Variants in MYO16 observed in about 807,000 individuals in gnomAD.
The protein encoded by MYO16 is unconventional myosin-XVI.
A neutral mutation model predicts 205.3 loss-of-function variants in MYO16; 94 were observed. That is an observed-to-expected ratio of 0.46 (90% CI 0.39 to 0.54). MYO16 has a LOEUF of 0.54. Among genes scored for constraint, MYO16 ranks in the 20% least tolerant of loss-of-function variants. The pLI, the probability that MYO16 is intolerant of heterozygous loss-of-function variation, is 0.00. For missense variants in MYO16, 2,315 were observed against 2,387.5 expected (o/e 0.97, Z 0.63); for synonymous variants, 988 against 954.0 (o/e 1.04, Z -0.66).
chr13:109,170,624 A>G (rs1360902839), intron 33 of MYO16, among the ~76,000 whole-genome samples: 2 of 152,022 alleles, frequency 1.3e-5, no homozygotes, highest in Admixed American at 1.3e-4. Context: ...TTGAGGCAAA[A>G]GGCAAAAACT....
intron 3 of MYO16, among the ~76,000 whole-genome samples, chr13:108,724,538 CTT>C (rs958088521): frequency 6.6e-6 from 1 of 151,954 alleles, no homozygotes; most frequent in East Asian, 1.9e-4. Context: ...TACCATCTTC[CTT>C]TTTTTTAGTA....
chr13:108,504,247 G>A, the MYO16 span, among the ~76,000 whole-genome samples: 1 of 150,564 alleles, frequency 6.6e-6, no homozygotes, highest in African/African-American at 2.4e-5. Context: ...TCAGCCTCAC[G>A]AGTAGCTGGG....
In MYO16 at chr13:109,140,865, CGTGCAGCCGGAG is replaced by C. The variant is rs747744228; in HGVS notation, c.4655_4666del (p.Val1552_Glu1555del). On this transcript the variant is annotated inframe_deletion, in exon 32 of 35. Coordinates refer to ENST00000457511, the MANE Select transcript of MYO16 (RefSeq NM_001198950.3). The surrounding 1 kb of genome is among the most constrained non-coding windows in gnomAD (Gnocchi z 8.0). ...TCCTGGAGACCAACCTCAAGTACCC[CGTGCAGCCGGAG>C]GGGTCGAGCCCGCTGTCCCCGCAGT... 6.3e-6 allele frequency: 10 copies of C among 1,596,906 alleles called. No individual in the cohort carries two copies. In the Admixed American group the frequency reaches 1.4e-4, roughly 22 times the overall value.
chr13:108,629,217 C>G (rs1879862978), upstream of MYO16: 1 of 152,170 alleles, frequency 6.6e-6, no homozygotes. Context: ...TTTTTCATTA[C>G]TAAGGACAGA....
the MYO16 span, among the ~76,000 whole-genome samples, chr13:108,526,842 A>G: frequency 2.0e-5 from 3 of 152,098 alleles, no homozygotes. Context: ...ATTTCTCTCT[A>G]GTCTATTACT....
intron 20 of MYO16, among the ~76,000 whole-genome samples, chr13:108,986,717 A>G (rs1884650724): frequency 6.6e-6 from 1 of 151,234 alleles, no homozygotes; most frequent in South Asian, 2.1e-4. Context: ...ATCTGTTATT[A>G]TGTATACTCT....
At chr13:108,586,339 TA>T in the MYO16 span, among the ~76,000 whole-genome samples, 3 of 151,602 alleles carry the variant, frequency 2.0e-5, no homozygotes, top group African/African-American at 7.3e-5. Flanking sequence ...CTTATTTGAC[TA>T]TTTTTTTAAA....
At chr13:109,155,937 C>A (rs1288884589) in intron 32 of MYO16, among the ~76,000 whole-genome samples, 1 of 151,970 alleles carries the variant, frequency 6.6e-6, no homozygotes, top group Non-Finnish European at 1.5e-5. Context: ...ATTATGCTAT[C>A]ATGGAAAGGA....
chr13:108,886,799 G>A (rs1431691255), intron 13 of MYO16, among the ~76,000 whole-genome samples: 1 of 152,098 alleles, frequency 6.6e-6, no homozygotes, highest in African/African-American at 2.4e-5. Flanking sequence ...TTCCCTGACT[G>A]TCTGCCTGAA....
intron 1 of MYO16, among the ~76,000 whole-genome samples, chr13:108,603,166 A>T (rs1277519436): frequency 6.6e-6 from 1 of 152,194 alleles, no homozygotes; most frequent in African/African-American, 2.4e-5. Context: ...CCAACTGAGA[A>T]TTAGATTTGA....
chr13:108,913,846 C>T (rs561156828), intron 16 of MYO16, among the ~76,000 whole-genome samples: 4 of 152,190 alleles, frequency 2.6e-5, no homozygotes, highest in Non-Finnish European at 5.9e-5. Flanking sequence ...AGCGGCCATA[C>T]TTCAACCACT....
intron 19 of MYO16, among the ~76,000 whole-genome samples, chr13:108,963,176 C>G (rs1374917359): frequency 6.6e-6 from 1 of 152,226 alleles, no homozygotes; most frequent in South Asian, 2.1e-4. Context: ...GATGGCCTTA[C>G]TATTTTCCTC....
At chr13:108,646,666 C>T (rs1594172748) in intron 1 of MYO16, among the ~76,000 whole-genome samples, 2 of 152,174 alleles carry the variant, frequency 1.3e-5, no homozygotes, top group Non-Finnish European at 2.9e-5. Context: ...ATCTAGTCCT[C>T]TCCTTTAGAT....
intron 20 of MYO16, among the ~76,000 whole-genome samples, chr13:108,976,714 G>A (rs1325172284): frequency 6.6e-6 from 1 of 152,046 alleles, no homozygotes; most frequent in Non-Finnish European, 1.5e-5. Context: ...CATTTCCTGT[G>A]CATTTGTGAG....
the MYO16 span, among the ~76,000 whole-genome samples, chr13:108,524,744 G>T: frequency 6.6e-6 from 1 of 152,044 alleles, no homozygotes; most frequent in African/African-American, 2.4e-5. Context: ...TCTGGAGCAT[G>T]GATTGGGATT....
intron 12 of MYO16, among the ~76,000 whole-genome samples, chr13:108,880,693 G>A (rs1335677052): frequency 5.3e-5 from 8 of 152,074 alleles, no homozygotes; most frequent in East Asian, 1.9e-4. Flanking sequence ...TATTATTTCC[G>A]GGGGCTCTAT....
rs1390385240 is a variant in MYO16 at position 109,022,696 on chromosome 13, ATT to A, written c.2796+2787_2796+2788del. Among the ~76,000 whole-genome samples the A allele has an allele frequency of 5.8e-4, 73 of 125,520 alleles. 19 individuals carry two copies. The East Asian group carries it at 0.015, about 26-fold the overall frequency. 82.3% of individuals were successfully genotyped at this position (125,520 alleles called of 152,430 possible). A position where few individuals can be genotyped will look rare whatever the true frequency, so the allele number is the denominator to read the frequency against. On this transcript the variant is annotated intron_variant, in intron 23 of 34. Transcript: ENST00000457511. ...TATATACACATATAAACATGTATAT[ATT>A]TATATATTATATATACGCATATAAA... is the stretch of plus-strand genomic sequence containing the variant.
At chr13:108,888,509 G>T (rs769796891) in intron 14 of MYO16, 32 bp downstream of exon 14, 1 of 1,463,138 alleles carries the variant, frequency 6.8e-7, no homozygotes, top group Non-Finnish European at 9.5e-7. Context: ...GCAAATATGT[G>T]AATGAAGATG....
chr13:108,750,271 T>C (rs1485579172), intron 4 of MYO16, among the ~76,000 whole-genome samples: 1 of 152,120 alleles, frequency 6.6e-6, no homozygotes, highest in East Asian at 1.9e-4. Context: ...AAAACAATCA[T>C]TTAGGCTGTC....
Sources: allele counts gnomAD v4.1 joint callset (sites outside exome capture counted in the v4.1 genomes callset), GRCh38; gene constraint gnomAD v4.1.1; non-coding constraint Gnocchi (gnomAD v3.1); transcripts MANE v1.5; gene names NCBI Gene and HGNC (gene_info 2026-07-23, HGNC 2026-07-21).